RIC8B: variants seen among roughly 807,000 people sequenced by gnomAD.
The protein encoded by RIC8B is RIC8 guanine nucleotide exchange factor B.
A neutral mutation model predicts 57.5 loss-of-function variants in RIC8B; 16 were observed. That is an observed-to-expected ratio of 0.28 (90% CI 0.19 to 0.42). The LOEUF is 0.42. Among genes scored for constraint, RIC8B ranks in the 10% least tolerant of loss-of-function variants. The probability of loss-of-function intolerance (pLI) is 1.00; values close to 1 mark genes in which losing one functional copy is unlikely to be tolerated. For synonymous variants in RIC8B, 216 were observed against 250.8 expected (o/e 0.86, Z 1.31); for missense variants, 481 against 677.0 (o/e 0.71, Z 3.21).
At chr12:106,806,065 T>G (rs1486717622) in intron 2 of RIC8B, among the ~76,000 whole-genome samples, 2 of 152,218 alleles carry the variant, frequency 1.3e-5, no homozygotes, top group East Asian at 3.8e-4. Context: ...CTCTTCTGCC[T>G]CAGCCTCCCA....
chr12:106,874,544 CT>C, intron 9 of RIC8B: 1 of 1,551,172 alleles, frequency 6.4e-7, no homozygotes, highest in Non-Finnish European at 8.7e-7. Flanking sequence ...TGCCAAAGCA[CT>C]TACCAAAGTG....
At chr12:106,827,023 C>T (rs372560937) in intron 4 of RIC8B, among the ~76,000 whole-genome samples, 2 of 152,098 alleles carry the variant, frequency 1.3e-5, no homozygotes, top group East Asian at 1.9e-4. Context: ...TGCCATGAGC[C>T]GAAATTCCGC....
chr12:106,868,997 A>G (rs1297152154), intron 8 of RIC8B, among the ~76,000 whole-genome samples: 2 of 152,142 alleles, frequency 1.3e-5, no homozygotes, highest in Non-Finnish European at 1.5e-5. Flanking sequence ...AACCTTTGAA[A>G]GTACCTTAAG....
At chr12:106,789,954 T>C (rs1189561815) in intron 2 of RIC8B, among the ~76,000 whole-genome samples, 1 of 152,014 alleles carries the variant, frequency 6.6e-6, no homozygotes, top group East Asian at 1.9e-4. Context: ...TTGATTATAC[T>C]GTGCTTTTTA....
intron 2 of RIC8B, among the ~76,000 whole-genome samples, chr12:106,789,356 A>G (rs1244458681): frequency 6.6e-6 from 1 of 152,146 alleles, no homozygotes; most frequent in African/African-American, 2.4e-5. Context: ...CCTGATACCT[A>G]GTTCCAAAGT....
intron 7 of RIC8B, among the ~76,000 whole-genome samples, chr12:106,857,526 G>C (rs532806191): frequency 6.6e-6 from 1 of 152,260 alleles, no homozygotes; most frequent in East Asian, 1.9e-4. Context: ...AAATAGTGGT[G>C]AAATATTTCT....
intron 2 of RIC8B, among the ~76,000 whole-genome samples, chr12:106,797,058 C>G (rs1236512813): frequency 1.3e-5 from 2 of 152,154 alleles, no homozygotes; most frequent in African/African-American, 4.8e-5. Context: ...CCATACACTG[C>G]TGGTGGGAAT....
intron 9 of RIC8B, among the ~76,000 whole-genome samples, chr12:106,883,477 TATATC>T (rs1951049187): frequency 6.6e-6 from 1 of 152,108 alleles, no homozygotes; most frequent in Non-Finnish European, 1.5e-5. Flanking sequence ...AGTCCTAAAA[TATATC>T]AGAATCTCCC....
Position 106,814,920 on chromosome 12 carries a change from A to G in RIC8B, c.357A>G (p.Lys119=). The change falls in exon 3 of 10, where the codon AAA becomes AAG. Residue 119 remains lysine, a synonymous_variant. Transcript: ENST00000392837. ...SEFPVIVESL[K]CLCNIVFNSQ... ...TCCCAGTTATTGTGGAGTCATTAAA[A>G]TGTCTGTGTAATATAGTGTTCAACA... The G allele has an allele frequency of 6.2e-7, 1 of 1,614,232 alleles. No individual in the cohort carries two copies. Among genetic ancestry groups the G allele is most frequent in the Non-Finnish European group, 8.5e-7 (1 of 1,180,036 alleles).
intron 6 of RIC8B, among the ~76,000 whole-genome samples, chr12:106,849,193 T>C (rs1949347159): frequency 1.3e-5 from 2 of 152,130 alleles, no homozygotes; most frequent in African/African-American, 4.8e-5. Flanking sequence ...TTATTATGTA[T>C]GGTATACCTG....
intron 7 of RIC8B, among the ~76,000 whole-genome samples, chr12:106,856,642 A>G (rs1949726675): frequency 6.6e-6 from 1 of 152,058 alleles, no homozygotes; most frequent in African/African-American, 2.4e-5. Flanking sequence ...CTCTGTTGTT[A>G]ATACTTTTGA....
In RIC8B at chr12:106,860,410, A is replaced by G; in HGVS notation, c.1449A>G (p.Pro483=). The change falls in exon 8 of 10, where the codon CCA becomes CCG. Residue 483 remains proline (P), a splice_region_variant and synonymous_variant. Transcript: ENST00000392837. ...CTGAAGAATACAAAAATGCAAAACC[A>G]AAGTATAGTATCAAATTTCTTTTCA... ...TDTEEYKNAK[P]NINLITGHLE... is the part of the protein sequence containing the mutation. 6.4e-7 allele frequency: 1 copy of G among 1,553,710 alleles called. No individual in the cohort carries two copies. Among genetic ancestry groups the G allele is most frequent in the Non-Finnish European group, 8.7e-7 (1 of 1,150,842 alleles).
chr12:106,777,724 G>A (rs1219712225), intron 1 of RIC8B, among the ~76,000 whole-genome samples: 1 of 152,214 alleles, frequency 6.6e-6, no homozygotes, highest in Non-Finnish European at 1.5e-5. Context: ...TATTAAGCCT[G>A]TGAGTCTCAG....
At chr12:106,802,132 A>G (rs983926408) in intron 2 of RIC8B, among the ~76,000 whole-genome samples, 16 of 152,190 alleles carry the variant, frequency 1.1e-4, no homozygotes, top group African/African-American at 3.9e-4. Context: ...TTCCTTTGAC[A>G]TCTCATTTTT....
At chr12:106,847,272 G>A (rs1321816436) in intron 6 of RIC8B, among the ~76,000 whole-genome samples, 1 of 152,304 alleles carries the variant, frequency 6.6e-6, no homozygotes, top group East Asian at 1.9e-4. Flanking sequence ...CAGTTTGGGA[G>A]TGGTATATAA....
intron 9 of RIC8B, among the ~76,000 whole-genome samples, chr12:106,876,302 A>G (rs776907091): frequency 3.9e-5 from 6 of 152,162 alleles, no homozygotes; most frequent in Non-Finnish European, 8.8e-5. Context: ...TTTGTTTAAT[A>G]TAGGTTACAT....
At chr12:106,783,754 A>G (rs1270281767) in intron 1 of RIC8B, among the ~76,000 whole-genome samples, 1 of 151,944 alleles carries the variant, frequency 6.6e-6, no homozygotes, top group African/African-American at 2.4e-5. Flanking sequence ...GCCATTCCGG[A>G]TTTTCCTGGG....
At chr12:106,805,625 C>T (rs2044976304) in intron 2 of RIC8B, among the ~76,000 whole-genome samples, 1 of 152,198 alleles carries the variant, frequency 6.6e-6, no homozygotes, top group African/African-American at 2.4e-5. Flanking sequence ...TGGTCCTGCT[C>T]CCCTTTTCTT....
chr12:106,803,526 G>C (rs1347212507), intron 2 of RIC8B, among the ~76,000 whole-genome samples: 1 of 152,020 alleles, frequency 6.6e-6, no homozygotes, highest in African/African-American at 2.4e-5. Context: ...TTTTCCAGCT[G>C]GTACTGGAAA....
Sources: allele counts gnomAD v4.1 joint callset (sites outside exome capture counted in the v4.1 genomes callset), GRCh38; gene constraint gnomAD v4.1.1; transcripts MANE v1.5; gene names NCBI Gene and HGNC (gene_info 2026-07-23, HGNC 2026-07-21).